The following ST18 variants were observed in gnomAD, a reference collection of about 807,000 sequenced individuals.
The protein encoded by ST18 is ST18 C2H2C-type zinc finger transcription factor, also known as suppression of tumorigenicity 18 protein.
A neutral mutation model predicts 110.0 loss-of-function variants in ST18; 50 were observed. The observed-to-expected ratio is 0.45, with a 90% CI of 0.36 to 0.58. The LOEUF is 0.58. ST18 is among the 20% of genes least tolerant of loss of function. ST18 has a pLI of 0.00. For synonymous variants in ST18, 461 were observed against 452.4 expected (o/e 1.02, Z -0.24); for missense variants, 1,306 against 1,280.1 (o/e 1.02, Z -0.31).
At chr8:52,273,734 A>G (rs2095149894) in intron 2 of ST18, among the ~76,000 whole-genome samples, 1 of 152,210 alleles carries the variant, frequency 6.6e-6, no homozygotes, top group Non-Finnish European at 1.5e-5. Context: ...CCCCAGTTAG[A>G]TGACTAGGTG....
intron 2 of ST18, among the ~76,000 whole-genome samples, chr8:52,397,823 C>T (rs1841692894): frequency 6.6e-6 from 1 of 152,052 alleles, no homozygotes; most frequent in Non-Finnish European, 1.5e-5. Flanking sequence ...GTTTTAGCAC[C>T]AGTACCATAC....
intron 2 of ST18, among the ~76,000 whole-genome samples, chr8:52,376,994 C>G (rs980219922): frequency 6.6e-5 from 10 of 152,182 alleles, no homozygotes; most frequent in Admixed American, 5.2e-4. Context: ...CTAATGGTCT[C>G]TCTAGGGTTA....
In ST18 at chr8:52,146,681, G is replaced by A. The variant is rs775264579; in HGVS notation, c.2052+3051C>T. Among the ~76,000 whole-genome samples, 80 of 152,108 alleles carry A rather than the reference G, an allele frequency of 5.3e-4. 1 individual carries two copies. Among genetic ancestry groups the A allele is most frequent in the Admixed American group, 7.9e-4 (12 of 15,282 alleles). ...GGTATCCCTCTGATAGCTTGTCAAT[G>A]AGCGCATTTAATACAATCTAATTTT... On this transcript the variant is annotated intron_variant, in intron 16 of 25. Coordinates refer to ENST00000689386, the MANE Select transcript of ST18 (RefSeq NM_001352837.2).
chr8:52,155,944 T>C (rs1169697807), intron 15 of ST18, among the ~76,000 whole-genome samples: 1 of 152,188 alleles, frequency 6.6e-6, no homozygotes, highest in East Asian at 1.9e-4. Context: ...CTGTAATTCA[T>C]ACTCCTATGG....
intron 2 of ST18, among the ~76,000 whole-genome samples, chr8:52,391,081 G>A (rs556579577): frequency 1.7e-4 from 26 of 152,190 alleles, no homozygotes; most frequent in African/African-American, 6.0e-4. Flanking sequence ...TTGTGCACTC[G>A]GCAAAGTTTG....
At chr8:52,208,982 G>A (rs2081164154) in intron 8 of ST18, among the ~76,000 whole-genome samples, 1 of 152,146 alleles carries the variant, frequency 6.6e-6, no homozygotes, top group Non-Finnish European at 1.5e-5. Flanking sequence ...GTGAATTAAT[G>A]ATGTTTATAA....
intron 17 of ST18, 31 bp from the exon 18 acceptor site, chr8:52,137,514 C>T: frequency 6.2e-7 from 1 of 1,611,284 alleles, no homozygotes; most frequent in African/African-American, 1.3e-5. Context: ...TCATTAGAGT[C>T]AAGCGCATTT....
chr8:52,305,229 T>G (rs1490479354), intron 2 of ST18, among the ~76,000 whole-genome samples: 5 of 152,188 alleles, frequency 3.3e-5, no homozygotes, highest in African/African-American at 4.8e-5. Flanking sequence ...TGGAAGCATT[T>G]AATAGAGTAG....
chr8:52,287,134 G>A (rs1176514462), intron 2 of ST18, among the ~76,000 whole-genome samples: 2 of 152,084 alleles, frequency 1.3e-5, no homozygotes, highest in African/African-American at 2.4e-5. Context: ...ATTTCAGTAA[G>A]CCTTTTAAAC....
intron 8 of ST18, among the ~76,000 whole-genome samples, chr8:52,208,686 C>A (rs1184615640): frequency 6.6e-6 from 1 of 152,126 alleles, no homozygotes; most frequent in Non-Finnish European, 1.5e-5. Flanking sequence ...ATTAGCCGGG[C>A]GTGGTGGTGC....
chr8:52,293,919 A>G (rs1015327411), intron 2 of ST18, among the ~76,000 whole-genome samples: 1 of 152,204 alleles, frequency 6.6e-6, no homozygotes, highest in African/African-American at 2.4e-5. Context: ...AAGTGGAGAA[A>G]GATGATTTCA....
Position 52,161,597 on chromosome 8 carries a change from G to C in ST18, c.1401-29C>G, listed in dbSNP as rs535559622. ...GAGAGGGGGGTGAAGCAGTTCAAAA[G>C]AAATACAATGAAACTACTGGTGAGC... is the stretch of plus-strand genomic sequence containing the variant. On this transcript the variant is annotated intron_variant, in intron 13 of 25. Transcript: ENST00000689386. The C allele has an allele frequency of 3.2e-5, 52 of 1,608,568 alleles. No individual in the cohort carries two copies. In the South Asian group the frequency reaches 3.7e-4, roughly 11 times the overall value.
intron 2 of ST18, among the ~76,000 whole-genome samples, chr8:52,325,333 G>A (rs569291599): frequency 7.9e-5 from 12 of 152,276 alleles, no homozygotes; most frequent in African/African-American, 1.4e-4. Flanking sequence ...GGTAAGACCC[G>A]AAGAGATCAT....
At chr8:52,300,884 G>T (rs1430634145) in intron 2 of ST18, among the ~76,000 whole-genome samples, 1 of 152,140 alleles carries the variant, frequency 6.6e-6, no homozygotes, top group African/African-American at 2.4e-5. Flanking sequence ...GTCAGAATGA[G>T]ATGTGAGAGA....
intron 19 of ST18, among the ~76,000 whole-genome samples, chr8:52,135,508 C>T (rs2051698481): frequency 1.4e-5 from 2 of 140,978 alleles, no homozygotes; most frequent in Admixed American, 7.7e-5. Context: ...TGCAGTGAGC[C>T]GAGACTGTGC....
In ST18 at chr8:52,281,618, T is replaced by C. The variant is rs192840531; in HGVS notation, c.-464-51541A>G. Among the ~76,000 whole-genome samples, 30 of 152,268 alleles carry C rather than the reference T, an allele frequency of 2.0e-4. No individual in the cohort carries two copies. In the East Asian group the frequency reaches 5.0e-3, roughly 25 times the overall value. The stretch of plus-strand genomic sequence containing the variant: ...ATAGCTAATGGTATCACAGATTAAA[T>C]TGAAATAGTACATTAAATTATCCCC... On this transcript the variant is annotated intron_variant, in intron 2 of 25. Coordinates refer to ENST00000689386, the MANE Select transcript of ST18 (RefSeq NM_001352837.2).
intron 2 of ST18, among the ~76,000 whole-genome samples, chr8:52,281,823 C>T (rs1025024829): frequency 2.0e-5 from 3 of 152,116 alleles, no homozygotes; most frequent in Non-Finnish European, 4.4e-5. Context: ...TGTTTTCCCT[C>T]ATAAGTGGGA....
At chr8:52,237,039 C>T (rs1380806281) in intron 2 of ST18, among the ~76,000 whole-genome samples, 1 of 152,198 alleles carries the variant, frequency 6.6e-6, no homozygotes, top group African/African-American at 2.4e-5. Flanking sequence ...CCTCCCTCAC[C>T]TTCAGGTTCC....
intron 3 of ST18, among the ~76,000 whole-genome samples, chr8:52,223,219 T>G (rs551160487): frequency 1.3e-5 from 2 of 152,332 alleles, no homozygotes; most frequent in South Asian, 4.1e-4. Context: ...TACAAGGTAA[T>G]GAGTCTGGTA....
Sources: allele counts gnomAD v4.1 joint callset (sites outside exome capture counted in the v4.1 genomes callset), GRCh38; gene constraint gnomAD v4.1.1; transcripts MANE v1.5; gene names NCBI Gene and HGNC (gene_info 2026-07-23, HGNC 2026-07-21).